CUX1: variants seen among roughly 807,000 people sequenced by gnomAD.
CUX1 encodes cut like homeobox 1.
Under a neutral mutation model 158.8 loss-of-function variants are expected in CUX1, and 31 were observed. The ratio of observed to expected loss-of-function variants is 0.20; its 90% CI spans 0.15 to 0.26. The LOEUF (loss-of-function observed/expected upper bound fraction) is 0.26, where lower values mean the gene tolerates loss of function less well. Ranked by LOEUF, CUX1 falls within the 10% of genes least tolerant of loss-of-function variation. The pLI is 1.00. For missense variants in CUX1, 1,589 were observed against 2,014.6 expected, an observed-to-expected ratio of 0.79 and a Z score of 4.04; for synonymous variants, 879 against 862.1, an observed-to-expected ratio of 1.02 and a Z score of -0.34.
chr7:102,170,562 C>G lies in CUX1; in HGVS notation c.828+12C>G. ...AGGCACCAGACGTGGTGGGTAGCCCCGGCCCCGTGGGGGACTGTCCCCGCC... is the reference window on the plus strand; with the variant it reads ...AGGCACCAGACGTGGTGGGTAGCCCGGGCCCCGTGGGGGACTGTCCCCGCC... On this transcript the variant is annotated intron_variant, in intron 10 of 23. Coordinates refer to ENST00000292535, the MANE Select transcript of CUX1 (RefSeq NM_181552.4). The G allele has an allele frequency of 1.3e-6, 2 of 1,559,322 alleles. No homozygotes were observed. The highest frequency in any genetic ancestry group is 1.7e-6 in the Non-Finnish European group (2 of 1,149,444).
intron 18 of CUX1, among the ~76,000 whole-genome samples, chr7:102,279,811 C>T (rs1164491352): frequency 6.6e-6 from 1 of 152,216 alleles, no homozygotes; most frequent in Non-Finnish European, 1.5e-5. Flanking sequence ...TGCCCGGAGG[C>T]ACTGTGGCCC....
intron 1 of CUX1, among the ~76,000 whole-genome samples, chr7:101,840,265 C>T (rs746367586): frequency 5.9e-5 from 9 of 152,150 alleles, no homozygotes; most frequent in Admixed American, 5.2e-4. Flanking sequence ...CTGATTCTTA[C>T]AGTGGAGTGA....
intron 11 of CUX1, among the ~76,000 whole-genome samples, chr7:102,183,815 T>C (rs912651300): frequency 2.6e-5 from 4 of 152,246 alleles, no homozygotes; most frequent in Non-Finnish European, 5.9e-5. Flanking sequence ...GGAAAAGAGA[T>C]ATTGTCACCT....
rs2131966559 is a variant in CUX1, at chr7:102,195,570, G to A, written c.1189G>A (p.Ala397Thr). The change falls in exon 14 of 24, where the codon GCC becomes ACC. Residue 397 changes from alanine (A) to threonine (T), a missense_variant. Physicochemically the swap from Ala to Thr is moderately conservative, Grantham distance 58. This residue lies in a region of CUX1 where 515 missense variants were observed against 574.4 expected (regional missense o/e 0.90). Coordinates refer to ENST00000292535, the MANE Select transcript of CUX1 (RefSeq NM_181552.4). ...GAACCGCTCGCTGCAGTCCGAGAAC[G>A]CCGCGCTGCGCATCTCCAACAGCGA... ...EKNRSLQSENAALRISNSDLS... is the reference protein window; with the variant it reads ...EKNRSLQSENTALRISNSDLS... 6.2e-7 allele frequency: 1 copy of A among 1,611,988 alleles called. No individual in the cohort carries two copies. The highest frequency in any genetic ancestry group is 8.5e-7 in the Non-Finnish European group (1 of 1,179,586).
At chr7:102,208,393 G>T (rs922953497) in intron 20 of CUX1, among the ~76,000 whole-genome samples, 1 of 152,082 alleles carries the variant, frequency 6.6e-6, no homozygotes, top group Admixed American at 6.5e-5. Flanking sequence ...ACAGGCATGC[G>T]CCAGCACACC....
intron 10 of CUX1, among the ~76,000 whole-genome samples, chr7:102,176,470 C>T (rs1188734297): frequency 6.6e-6 from 1 of 152,026 alleles, no homozygotes; most frequent in Non-Finnish European, 1.5e-5. Flanking sequence ...TGCAGCTCTG[C>T]CCTCTCCACC....
At chr7:101,928,705 C>G (rs749320208) in intron 2 of CUX1, among the ~76,000 whole-genome samples, 10 of 142,372 alleles carry the variant, frequency 7.0e-5, no homozygotes, top group Non-Finnish European at 1.5e-4. Context: ...GAGTCTCGCT[C>G]TGTCACCCAG....
At chr7:101,959,896 G>A (rs945244993) in intron 2 of CUX1, among the ~76,000 whole-genome samples, 1 of 152,124 alleles carries the variant, frequency 6.6e-6, no homozygotes, top group African/African-American at 2.4e-5. Flanking sequence ...GTAATAACTC[G>A]ATTAATTTTG....
intron 4 of CUX1, among the ~76,000 whole-genome samples, chr7:102,095,734 C>T (rs1829105782): frequency 1.3e-5 from 2 of 152,146 alleles, no homozygotes; most frequent in Admixed American, 6.5e-5. Context: ...TGGCATTCTT[C>T]GACTGGAGAC....
At chr7:101,919,599 G>A (rs1027475663) in intron 2 of CUX1, among the ~76,000 whole-genome samples, 3 of 152,204 alleles carry the variant, frequency 2.0e-5, no homozygotes, top group African/African-American at 7.2e-5. Flanking sequence ...GACACCAAGG[G>A]TGTTGATCTT....
Position 102,253,480 on chromosome 7 carries a change from CTT to C in CUX1, c.*4440_*4441del, listed in dbSNP as rs1262837135. The C allele has an allele frequency of 3.0e-6, 3 of 985,386 alleles. No homozygotes were observed. The African/African-American group carries it at 5.2e-5, about 17-fold the overall frequency. The allele number at this position is 985,386 out of a possible 1,614,324, so 61.0% of individuals were successfully genotyped here. ...TCCCGACTAAGGTTGGACTGGATGACTTTGTTCCTCCTGCATGCATGTCCTTT... is the reference window on the plus strand; with the variant it reads ...TCCCGACTAAGGTTGGACTGGATGACTGTTCCTCCTGCATGCATGTCCTTT... On this transcript the variant is annotated 3_prime_UTR_variant, in exon 24 of 24. Transcript: ENST00000292535.
chr7:102,152,284 A>T (rs1835777450), intron 8 of CUX1, among the ~76,000 whole-genome samples: 1 of 152,186 alleles, frequency 6.6e-6, no homozygotes, highest in Non-Finnish European at 1.5e-5. Flanking sequence ...TCAGGACAAG[A>T]GTTGGAGGCT....
intron 14 of CUX1, among the ~76,000 whole-genome samples, chr7:102,266,286 C>G (rs1439800323): frequency 6.6e-6 from 1 of 151,444 alleles, no homozygotes; most frequent in Non-Finnish European, 1.5e-5. Context: ...GGCTACCTCC[C>G]GGGGTTTGGT....
intron 1 of CUX1, among the ~76,000 whole-genome samples, chr7:101,823,495 G>A (rs774021383): frequency 2.0e-5 from 3 of 152,162 alleles, no homozygotes; most frequent in Admixed American, 6.5e-5. Flanking sequence ...TCCATCAGCC[G>A]AAGCTTGAGA....
intron 1 of CUX1, among the ~76,000 whole-genome samples, chr7:101,899,363 A>C (rs991089683): frequency 1.3e-5 from 2 of 152,208 alleles, no homozygotes; most frequent in African/African-American, 4.8e-5. Flanking sequence ...AGCCTGGTCA[A>C]CATGGCAAAA....
chr7:102,143,766 CT>C (rs1554501095), intron 8 of CUX1, among the ~76,000 whole-genome samples: 3 of 152,068 alleles, frequency 2.0e-5, no homozygotes, highest in Non-Finnish European at 4.4e-5. Flanking sequence ...AGGACGGCCA[CT>C]TCTTCTTTTG....
At chr7:101,928,914 C>T (rs1221790463) in intron 2 of CUX1, among the ~76,000 whole-genome samples, 1 of 151,716 alleles carries the variant, frequency 6.6e-6, no homozygotes, top group Non-Finnish European at 1.5e-5. Flanking sequence ...TCGTGATCCA[C>T]CCGCCTCGGC....
chr7:102,218,916 G>C (rs979901575), intron 20 of CUX1, among the ~76,000 whole-genome samples: 3 of 151,584 alleles, frequency 2.0e-5, no homozygotes, highest in Non-Finnish European at 1.5e-5. Flanking sequence ...AACCAGGCAT[G>C]GTGGTGCACG....
rs1396065430 is a variant in CUX1, at chr7:102,254,474, C to G, written c.*5432C>G. On this transcript the variant is annotated 3_prime_UTR_variant, in exon 24 of 24. Transcript: ENST00000292535. ...GTCCACAGTGGCATCACCCTCTTATCCCAAAAGAATATGCCAGTTCCCATC... is the reference window on the plus strand; with the variant it reads ...GTCCACAGTGGCATCACCCTCTTATGCCAAAAGAATATGCCAGTTCCCATC... 2 of 985,376 alleles carry G rather than the reference C, an allele frequency of 2.0e-6. No homozygotes were observed. The allele number at this position is 985,376 out of a possible 1,614,324, so 61.0% of individuals were successfully genotyped here.
Sources: allele counts gnomAD v4.1 joint callset (sites outside exome capture counted in the v4.1 genomes callset), GRCh38; gene constraint gnomAD v4.1.1; regional missense constraint gnomAD v4.1.1; transcripts MANE v1.5; gene names NCBI Gene and HGNC (gene_info 2026-07-23, HGNC 2026-07-21).